ZDHHC3: variants seen among roughly 807,000 people sequenced by gnomAD.
ZDHHC3 encodes zDHHC palmitoyltransferase 3.
ZDHHC3 carries 9 observed loss-of-function variants against 30.6 expected under a neutral mutation model. The ratio of observed to expected loss-of-function variants is 0.29; its 90% confidence interval spans 0.18 to 0.51. The LOEUF is 0.51. ZDHHC3 is among the 20% of genes least tolerant of loss of function. ZDHHC3 has a pLI of 0.97. For synonymous variants in ZDHHC3, 136 were observed against 140.2 expected, an observed-to-expected ratio of 0.97 and a Z score of 0.21; for missense variants, 246 against 384.2, an observed-to-expected ratio of 0.64 and a Z score of 3.01.
intron 5 of ZDHHC3, among the ~76,000 whole-genome samples, chr3:44,930,376 T>C (rs1195308517): frequency 2.0e-5 from 3 of 152,350 alleles, no homozygotes. Flanking sequence ...AAGATGGTGC[T>C]GACAGACAGG....
At chr3:44,955,457 TTATATATA>T (rs150337679) in intron 2 of ZDHHC3, among the ~76,000 whole-genome samples, 2 of 143,970 alleles carry the variant, frequency 1.4e-5, no homozygotes, top group Non-Finnish European at 3.0e-5. Context: ...CACAAGGTTT[TTATATATA>T]TATATATATA....
chr3:44,923,063 T>C lies in ZDHHC3; in HGVS notation c.*3626A>G, dbSNP rs1428047629. ...GTTTCTGTGTAATGCCAACCTCACATACATGTTTAAAATGTTTGTTTTTTT... is the reference window on the plus strand; with the variant it reads ...GTTTCTGTGTAATGCCAACCTCACACACATGTTTAAAATGTTTGTTTTTTT... On this transcript the variant is annotated 3_prime_UTR_variant, in exon 7 of 7. Transcript: ENST00000424952. 4.1e-6 allele frequency: 4 copies of C among 976,466 alleles called. No individual in the cohort carries two copies. In the East Asian group the frequency reaches 3.7e-4, roughly 91 times the overall value. 60.5% of individuals were successfully genotyped at this position (976,466 alleles called of 1,614,324 possible). A position where few individuals can be genotyped will look rare whatever the true frequency, so the allele number is the denominator to read the frequency against.
intron 2 of ZDHHC3, among the ~76,000 whole-genome samples, chr3:44,951,528 A>C (rs1386102371): frequency 6.6e-6 from 1 of 152,024 alleles, no homozygotes; most frequent in Non-Finnish European, 1.5e-5. Flanking sequence ...CATATTCCTC[A>C]TCTCACTGCC....
At chr3:44,955,780 G>A (rs1353010589) in intron 2 of ZDHHC3, among the ~76,000 whole-genome samples, 1 of 152,122 alleles carries the variant, frequency 6.6e-6, no homozygotes, top group Non-Finnish European at 1.5e-5. Context: ...CGCTTCTGCA[G>A]CCCCACCTCT....
At chr3:44,954,932 C>G (rs1162823400) in intron 2 of ZDHHC3, among the ~76,000 whole-genome samples, 1 of 152,188 alleles carries the variant, frequency 6.6e-6, no homozygotes, top group Non-Finnish European at 1.5e-5. Flanking sequence ...ATAAGGGTTT[C>G]TGAGTCCAGT....
At chr3:44,974,024 T>A (rs1705646636) in intron 1 of ZDHHC3, among the ~76,000 whole-genome samples, 1 of 152,208 alleles carries the variant, frequency 6.6e-6, no homozygotes, top group African/African-American at 2.4e-5. Flanking sequence ...ACTCAGAATT[T>A]ATGGATTTTA....
chr3:44,959,486 A>C lies in ZDHHC3; in HGVS notation c.-24-26T>G, dbSNP rs1478108542. 2 of 1,574,690 alleles carry C rather than the reference A, an allele frequency of 1.3e-6. No individual in the cohort carries two copies. The highest frequency in any genetic ancestry group is 2.3e-5 in the East Asian group (1 of 44,378). ...CTGAAAGAGAGAGGAAAGAATCCAG[A>C]AACTTGGTGTTGTCTTGTCATCAAG... On this transcript the variant is annotated intron_variant, in intron 1 of 6. Coordinates refer to ENST00000424952, the MANE Select transcript of ZDHHC3 (RefSeq NM_001135179.2). The surrounding 1 kb of genome is among the most constrained non-coding windows in gnomAD (Gnocchi z 4.3).
chr3:44,961,823 C>T (rs1267266393), intron 1 of ZDHHC3, among the ~76,000 whole-genome samples: 1 of 152,166 alleles, frequency 6.6e-6, no homozygotes, highest in Non-Finnish European at 1.5e-5. Context: ...AGCTCAAAAA[C>T]AATAATGTTT....
chr3:44,953,528 A>C (rs1230273245), intron 2 of ZDHHC3, among the ~76,000 whole-genome samples: 1 of 152,210 alleles, frequency 6.6e-6, no homozygotes. Flanking sequence ...ATTTCAAGCA[A>C]CAAGAATGAA....
chr3:44,965,571 T>C (rs17077079), intron 1 of ZDHHC3, among the ~76,000 whole-genome samples: 2,739 of 152,258 alleles, frequency 0.018, 41 homozygotes, highest in Middle Eastern at 0.085. Flanking sequence ...GCTACATCAT[T>C]TGTTGAGTGA....
In ZDHHC3 at chr3:44,919,071, C is replaced by CA; in HGVS notation, c.*7617dup. The CA allele has an allele frequency of 1.0e-6, 1 of 985,374 alleles. No individual in the cohort carries two copies. Among genetic ancestry groups the CA allele is most frequent in the Non-Finnish European group, 1.2e-6 (1 of 829,906 alleles). The allele number at this position is 985,374 out of a possible 1,614,324, so 61.0% of individuals were successfully genotyped here. On this transcript the variant is annotated 3_prime_UTR_variant, in exon 7 of 7. Coordinates refer to ENST00000424952, the MANE Select transcript of ZDHHC3 (RefSeq NM_001135179.2). ...AGCACTTTTTCTTCCCACGCCATTT[C>CA]AGAGATTTAAGATTCTTGACTTTTG...
At position 44,922,216 on chromosome 3, in the gene ZDHHC3, C is replaced by T; in HGVS notation, c.*4473G>A. The T allele has an allele frequency of 1.0e-6, 1 of 985,408 alleles. No homozygotes were observed. Among genetic ancestry groups the T allele is most frequent in the Non-Finnish European group, 1.2e-6 (1 of 829,930 alleles). The allele number at this position is 985,408 out of a possible 1,614,324, so 61.0% of individuals were successfully genotyped here. On this transcript the variant is annotated 3_prime_UTR_variant, in exon 7 of 7. Coordinates refer to ENST00000424952, the MANE Select transcript of ZDHHC3 (RefSeq NM_001135179.2). ...GAAAAAGCCACATGGGTGTTGAAAC[C>T]CACACGTAGAAAGCAAAGGTCAAGA...
Position 44,954,224 on chromosome 3 carries a change from TAGAC to T in ZDHHC3, c.306+4903_306+4906del, listed in dbSNP as rs1338846790. On this transcript the variant is annotated intron_variant, in intron 2 of 6. Transcript: ENST00000424952. Reference sequence around the variant, plus strand: ...AGAGGGGTCGGGGTGGGGGAGCAGGTAGACAGACGAATTTTCTTTTCCTTAACAA... The same window carrying T: ...AGAGGGGTCGGGGTGGGGGAGCAGGTAGACGAATTTTCTTTTCCTTAACAA... 2.0e-5 allele frequency among the ~76,000 whole-genome samples: 3 copies of T among 152,184 alleles called. No homozygotes were observed. The East Asian group carries it at 5.8e-4, about 29-fold the overall frequency.
intron 1 of ZDHHC3, among the ~76,000 whole-genome samples, chr3:44,961,944 G>A (rs1437882950): frequency 6.6e-6 from 1 of 152,174 alleles, no homozygotes; most frequent in Non-Finnish European, 1.5e-5. Context: ...TTTACTCCCT[G>A]GCTCTTTATA....
chr3:44,964,731 G>A (rs1704784746), intron 1 of ZDHHC3, among the ~76,000 whole-genome samples: 1 of 152,166 alleles, frequency 6.6e-6, no homozygotes, highest in Admixed American at 6.5e-5. Context: ...TCTCATTTTG[G>A]TGGTATTAGG....
rs1007344386 is a variant in ZDHHC3 at position 44,928,048 on chromosome 3, C to T, written c.742-1201G>A. Among the ~76,000 whole-genome samples, 6 of 152,314 alleles carry T rather than the reference C, an allele frequency of 3.9e-5. No homozygotes were observed. In the South Asian group the frequency reaches 8.3e-4, roughly 21 times the overall value. ...AGCTTGCCTTCTGGCTCCCCCAGAC[C>T]GTGGCCCGGCAGTATCCCAATGGCA... On this transcript the variant is annotated intron_variant, in intron 6 of 6. Transcript: ENST00000424952.
chr3:44,956,530 G>T (rs890600856), intron 2 of ZDHHC3, among the ~76,000 whole-genome samples: 1 of 152,186 alleles, frequency 6.6e-6, no homozygotes, highest in Admixed American at 6.5e-5. Context: ...AAACGTGGGA[G>T]CTCTAAAGCA....
intron 2 of ZDHHC3, among the ~76,000 whole-genome samples, chr3:44,948,699 A>C (rs9843811): frequency 6.6e-6 from 1 of 152,234 alleles, no homozygotes; most frequent in African/African-American, 2.4e-5. Context: ...GATACTAAGC[A>C]GGAGAGGAGC....
intron 1 of ZDHHC3, among the ~76,000 whole-genome samples, chr3:44,973,684 C>T (rs926907893): frequency 3.3e-5 from 5 of 152,104 alleles, no homozygotes; most frequent in Admixed American, 6.6e-5. Context: ...TCTCAAACTC[C>T]CAACCTCAGG....
Sources: gnomAD v4.1 joint callset for allele counts (sites outside exome capture counted in the v4.1 genomes callset) on GRCh38, gnomAD v4.1.1 for gene constraint, Gnocchi (gnomAD v3.1) non-coding constraint, MANE v1.5 for transcripts, NCBI Gene and HGNC (gene_info 2026-07-23, HGNC 2026-07-21) for gene names.